The following STK3 variants were observed in gnomAD, a reference collection of about 807,000 sequenced individuals.
STK3 encodes serine/threonine-protein kinase 3.
In STK3, 41 loss-of-function variants were observed where a neutral mutation model predicts 58.0. The ratio of observed to expected loss-of-function variants is 0.71; its 90% CI spans 0.55 to 0.92. The LOEUF (loss-of-function observed/expected upper bound fraction) is 0.92, where lower values mean the gene tolerates loss of function less well. STK3 is among the 40% of genes least tolerant of loss of function. The pLI, the probability that STK3 is intolerant of heterozygous loss-of-function variation, is 0.00. For synonymous variants in STK3, 170 were observed against 191.0 expected (o/e 0.89, Z 0.91); for missense variants, 479 against 602.7 (o/e 0.79, Z 2.15).
chr8:98,798,592 T>C (rs1833328663), intron 1 of STK3, among the ~76,000 whole-genome samples: 1 of 152,326 alleles, frequency 6.6e-6, no homozygotes, highest in East Asian at 1.9e-4. Flanking sequence ...TAGGCAGACA[T>C]ACTCTAGAAT....
intron 3 of STK3, among the ~76,000 whole-genome samples, chr8:98,865,389 A>T (rs1587770724): frequency 6.6e-6 from 1 of 151,646 alleles, no homozygotes; most frequent in East Asian, 1.9e-4. Flanking sequence ...TTTTTTTTTT[A>T]AAGATAGGGT....
At position 98,403,659 on chromosome 8, in the gene STK3, C is replaced by CCTGCCCTATGCA. The variant is rs1216968823; in HGVS notation, n.484-2158_484-2147dup. Among the ~76,000 whole-genome samples, 26 of 152,314 alleles carry CCTGCCCTATGCA rather than the reference C, an allele frequency of 1.7e-4. 1 individual carries two copies. In the East Asian group the frequency reaches 5.0e-3, roughly 29 times the overall value. ...AGGGATCATATCTGTGTCCCTCTGG[C>CCTGCCCTATGCA]CTGCCCTATGCACAGGTAGAGCAGG... On this transcript the variant is annotated intron_variant and non_coding_transcript_variant, in intron 3 of 3. Transcript: ENST00000517832.
intron 10 of STK3, among the ~76,000 whole-genome samples, chr8:98,476,640 A>G (rs1176020818): frequency 6.6e-6 from 1 of 152,256 alleles, no homozygotes; most frequent in Non-Finnish European, 1.5e-5. Context: ...AGTGTTGCAT[A>G]AAACAAAACT....
chr8:98,392,564 G>C (rs1203713799), upstream of STK3, among the ~76,000 whole-genome samples: 2 of 152,184 alleles, frequency 1.3e-5, no homozygotes, highest in Non-Finnish European at 2.9e-5. Context: ...CATGCCCTAG[G>C]AACTCTCAGT....
chr8:98,407,400 T>C (rs938825997), intron 3 of STK3, among the ~76,000 whole-genome samples: 3 of 152,244 alleles, frequency 2.0e-5, no homozygotes, highest in African/African-American at 7.2e-5. Flanking sequence ...AAGGGAGCAC[T>C]GGACAGGGAG....
chr8:98,614,973 CCTG>C (rs1817557304), intron 6 of STK3, among the ~76,000 whole-genome samples: 1 of 152,212 alleles, frequency 6.6e-6, no homozygotes. Flanking sequence ...TTCAAGGAGG[CCTG>C]CCTGCCTCTG....
chr8:98,895,459 AG>A (rs1838410127), intron 1 of STK3, among the ~76,000 whole-genome samples: 1 of 152,140 alleles, frequency 6.6e-6, no homozygotes, highest in Non-Finnish European at 1.5e-5. Flanking sequence ...TCCCAGCTCC[AG>A]GGTTAGACTG....
intron 1 of STK3, among the ~76,000 whole-genome samples, chr8:98,796,507 T>C (rs1481302321): frequency 6.6e-6 from 1 of 152,118 alleles, no homozygotes; most frequent in Non-Finnish European, 1.5e-5. Flanking sequence ...CCTCAAACTG[T>C]AGGAATCCCA....
intron 3 of STK3, among the ~76,000 whole-genome samples, chr8:98,830,902 G>A (rs892360614): frequency 1.3e-4 from 19 of 142,244 alleles, no homozygotes; most frequent in Admixed American, 4.5e-4. Context: ...CCCGGGAGGC[G>A]AAGCTTGCAG....
intron 4 of STK3, among the ~76,000 whole-genome samples, chr8:98,721,605 A>C (rs1827432860): frequency 6.6e-6 from 1 of 151,870 alleles, no homozygotes; most frequent in Non-Finnish European, 1.5e-5. Context: ...TAAAACCTTC[A>C]GAAAAACAAT....
At chr8:98,884,012 T>C (rs539274087) in intron 1 of STK3, among the ~76,000 whole-genome samples, 1 of 152,210 alleles carries the variant, frequency 6.6e-6, no homozygotes, top group Non-Finnish European at 1.5e-5. Context: ...GGTGTACTAC[T>C]ACTACATCCT....
At chr8:98,421,250 T>C (rs989916073) in intron 3 of STK3, among the ~76,000 whole-genome samples, 5 of 152,132 alleles carry the variant, frequency 3.3e-5, no homozygotes, top group African/African-American at 7.2e-5. Context: ...GCTGACTGCA[T>C]AGGATATGCC....
chr8:98,886,045 T>C (rs1837976472), intron 1 of STK3, among the ~76,000 whole-genome samples: 1 of 152,014 alleles, frequency 6.6e-6, no homozygotes, highest in Non-Finnish European at 1.5e-5. Context: ...TTTCCAGAGG[T>C]TGGGAGTGAG....
upstream of STK3, among the ~76,000 whole-genome samples, chr8:98,393,016 C>T (rs1428384107): frequency 6.6e-6 from 1 of 152,160 alleles, no homozygotes; most frequent in Non-Finnish European, 1.5e-5. Context: ...ACAAAGATTG[C>T]AGCCATTTCT....
intron 4 of STK3, among the ~76,000 whole-genome samples, chr8:98,725,499 C>T (rs944015549): frequency 1.4e-4 from 22 of 152,140 alleles, no homozygotes; most frequent in African/African-American, 2.9e-4. Flanking sequence ...AATTATGCAA[C>T]GCAATTTTAG....
intron 10 of STK3, among the ~76,000 whole-genome samples, chr8:98,461,366 T>C (rs548451874): frequency 2.0e-5 from 3 of 152,362 alleles, no homozygotes; most frequent in African/African-American, 4.8e-5. Flanking sequence ...TTTGAGTCTA[T>C]ACAAATCCTT....
the STK3 span, among the ~76,000 whole-genome samples, chr8:98,352,222 A>C: frequency 6.6e-6 from 1 of 152,072 alleles, no homozygotes; most frequent in African/African-American, 2.4e-5. Context: ...AACAAAAGAT[A>C]GGAACATTTT....
At chr8:98,512,141 G>A (rs112856821) in intron 10 of STK3, among the ~76,000 whole-genome samples, 5 of 151,526 alleles carry the variant, frequency 3.3e-5, no homozygotes, top group African/African-American at 1.2e-4. Flanking sequence ...CACACAACAG[G>A]CTCCGGATTG....
At chr8:98,459,495 G>T (rs1156603402) in intron 10 of STK3, among the ~76,000 whole-genome samples, 3 of 152,230 alleles carry the variant, frequency 2.0e-5, no homozygotes, top group Admixed American at 2.0e-4. Context: ...TTCTGGGGGA[G>T]AAATTCGAGC....
Sources: allele counts gnomAD v4.1 joint callset (sites outside exome capture counted in the v4.1 genomes callset), GRCh38; gene constraint gnomAD v4.1.1; transcripts MANE v1.5; gene names NCBI Gene and HGNC (gene_info 2026-07-23, HGNC 2026-07-21).